Variants in SPAG16 observed in about 807,000 individuals in gnomAD.
The protein encoded by SPAG16 is sperm-associated antigen 16 protein.
Under a neutral mutation model 80.4 loss-of-function variants are expected in SPAG16, and 86 were observed. The ratio of observed to expected loss-of-function variants is 1.07; its 90% CI spans 0.90 to 1.28. The LOEUF is 1.28. Ranked by LOEUF, SPAG16 falls within the 50% of genes most tolerant of loss-of-function variation. SPAG16 has a pLI of 0.00. For missense variants in SPAG16, 870 were observed against 765.3 expected, an observed-to-expected ratio of 1.14 and a Z score of -1.61; for synonymous variants, 294 against 265.9, an observed-to-expected ratio of 1.11 and a Z score of -1.03.
chr2:213,955,961 A>T lies in SPAG16; in HGVS notation c.1400+25816A>T, dbSNP rs200613384. On this transcript the variant is annotated intron_variant, in intron 12 of 15. Transcript: ENST00000331683. Reference sequence around the variant, plus strand: ...AACCAATTTTTGGTTTTTATTTATTATTTATTTATTTATTTATTTATTTTT... The same window carrying T: ...AACCAATTTTTGGTTTTTATTTATTTTTTATTTATTTATTTATTTATTTTT... Among the ~76,000 whole-genome samples the T allele has an allele frequency of 5.6e-3, 845 of 151,016 alleles. 19 individuals are homozygous for T. The highest frequency in any genetic ancestry group is 0.048 in the East Asian group (247 of 5,136).
intron 12 of SPAG16, among the ~76,000 whole-genome samples, chr2:213,943,662 C>T (rs1335150844): frequency 6.6e-6 from 1 of 152,130 alleles, no homozygotes; most frequent in Admixed American, 6.6e-5. Flanking sequence ...TTCCTCCTGA[C>T]TGCTTATAGT....
intron 13 of SPAG16, among the ~76,000 whole-genome samples, chr2:214,085,378 C>CAAAAA (rs5838406): frequency 1.7e-5 from 2 of 120,194 alleles, no homozygotes; most frequent in Admixed American, 8.6e-5. Context: ...GATTCCACCT[C>CAAAAA]AAAAAAAAAA....
At chr2:214,135,065 G>C (rs1183190652) in intron 14 of SPAG16, among the ~76,000 whole-genome samples, 2 of 152,116 alleles carry the variant, frequency 1.3e-5, no homozygotes, top group South Asian at 2.1e-4. Flanking sequence ...ATTTATCCTA[G>C]TGTTCCGCTC....
intron 5 of SPAG16, among the ~76,000 whole-genome samples, chr2:213,335,755 G>C (rs908223244): frequency 2.0e-5 from 3 of 152,144 alleles, no homozygotes; most frequent in African/African-American, 7.2e-5. Context: ...GGTGGAGAAA[G>C]TTCACCATGA....
chr2:214,366,139 T>C (rs1699467998), intron 15 of SPAG16, among the ~76,000 whole-genome samples: 2 of 152,216 alleles, frequency 1.3e-5, no homozygotes, highest in Non-Finnish European at 2.9e-5. Context: ...TCACCACTCC[T>C]AACTAATTTT....
intron 15 of SPAG16, among the ~76,000 whole-genome samples, chr2:214,377,260 G>A (rs912858444): frequency 3.3e-5 from 5 of 152,106 alleles, no homozygotes; most frequent in South Asian, 2.1e-4. Flanking sequence ...CTGCAATATC[G>A]TAAACCTTAA....
intron 12 of SPAG16, among the ~76,000 whole-genome samples, chr2:213,958,468 A>G (rs1477574068): frequency 3.9e-5 from 6 of 151,982 alleles, no homozygotes; most frequent in Non-Finnish European, 8.8e-5. Context: ...CGCTTCTGGT[A>G]TGATAAAATT....
intron 13 of SPAG16, among the ~76,000 whole-genome samples, chr2:214,042,149 G>A (rs1037712568): frequency 6.7e-6 from 1 of 149,898 alleles, no homozygotes; most frequent in Non-Finnish European, 1.5e-5. Flanking sequence ...GCAGTGGCAC[G>A]ATCTTGAATT....
In SPAG16 at chr2:213,930,034, T is replaced by A. The variant is rs2078678409; in HGVS notation, c.1289T>A (p.Leu430Ter). The A allele has an allele frequency of 6.2e-7, 1 of 1,614,170 alleles. No individual in the cohort carries two copies. The highest frequency in any genetic ancestry group is 1.7e-5 in the Admixed American group (1 of 60,026). The change falls in exon 12 of 16, where the codon TTG (leucine) becomes TAG (stop). Residue 430 changes from leucine (L) to a stop codon, truncating the protein, a stop_gained. Coordinates refer to ENST00000331683, the MANE Select transcript of SPAG16 (RefSeq NM_024532.5). LOFTEE classifies it high-confidence loss of function. ...GATCTATGTAAAGGCGATTGCATTT[T>A]GACCTTTGAAGGACACAGCCGCGCA... ...LWDLCKGDCI[L>*]TFEGHSRAVW...
At chr2:213,315,591 T>A (rs1447073616) in intron 4 of SPAG16, among the ~76,000 whole-genome samples, 1 of 152,026 alleles carries the variant, frequency 6.6e-6, no homozygotes, top group Non-Finnish European at 1.5e-5. Context: ...GTGCTTTGCT[T>A]TAGAGCATAT....
chr2:213,981,339 C>T (rs1020394941), intron 12 of SPAG16, among the ~76,000 whole-genome samples: 2 of 152,040 alleles, frequency 1.3e-5, no homozygotes, highest in Non-Finnish European at 2.9e-5. Context: ...AAATATAGTG[C>T]TTTGACTTTG....
At chr2:214,268,967 T>A (rs1455500685) in intron 15 of SPAG16, among the ~76,000 whole-genome samples, 2 of 152,022 alleles carry the variant, frequency 1.3e-5, no homozygotes, top group African/African-American at 4.8e-5. Context: ...TCACATTTAA[T>A]AACAATTTGC....
At chr2:213,924,043 G>A (rs1031518816) in intron 11 of SPAG16, 1 of 152,466 alleles carries the variant, frequency 6.6e-6, no homozygotes, top group African/African-American at 2.4e-5. Context: ...GTGGGGGTGG[G>A]TGGAGTGGCA....
intron 11 of SPAG16, among the ~76,000 whole-genome samples, chr2:213,869,110 G>A (rs914913247): frequency 4.6e-5 from 7 of 151,002 alleles, no homozygotes; most frequent in East Asian, 1.9e-4. Flanking sequence ...AAAATTAGCC[G>A]GGTGTAGTGA....
intron 5 of SPAG16, among the ~76,000 whole-genome samples, chr2:213,323,395 CAT>C (rs1436033397): frequency 2.0e-4 from 31 of 151,948 alleles, no homozygotes; most frequent in Non-Finnish European, 3.5e-4. Flanking sequence ...GAGCCGAGAT[CAT>C]GCCACTGCAC....
intron 15 of SPAG16, among the ~76,000 whole-genome samples, chr2:214,396,523 G>T (rs892851604): frequency 6.6e-5 from 10 of 152,002 alleles, no homozygotes; most frequent in African/African-American, 2.2e-4. Flanking sequence ...TAAAAGTGAA[G>T]AAAATAATCT....
At chr2:213,426,771 G>GTA (rs1251993690) in intron 9 of SPAG16, among the ~76,000 whole-genome samples, 12 of 150,342 alleles carry the variant, frequency 8.0e-5, no homozygotes, top group Admixed American at 7.3e-4. Flanking sequence ...GTGTGTGTGT[G>GTA]TGTGTGTGTG....
At chr2:214,399,015 G>A (rs947996940) in intron 15 of SPAG16, among the ~76,000 whole-genome samples, 2 of 152,144 alleles carry the variant, frequency 1.3e-5, no homozygotes, top group Non-Finnish European at 2.9e-5. Context: ...TTGTAAGCTA[G>A]TGGTTCTATC....
At chr2:213,668,086 A>C (rs985295799) in intron 10 of SPAG16, among the ~76,000 whole-genome samples, 6 of 151,942 alleles carry the variant, frequency 3.9e-5, no homozygotes, top group Admixed American at 3.9e-4. Flanking sequence ...GATTACAGGC[A>C]TGTGCCACCA....
Sources: gnomAD v4.1 joint callset for allele counts (sites outside exome capture counted in the v4.1 genomes callset) on GRCh38, gnomAD v4.1.1 for gene constraint, MANE v1.5 for transcripts, NCBI Gene and HGNC (gene_info 2026-07-23, HGNC 2026-07-21) for gene names.